The following HLCS variants were observed in gnomAD, a reference collection of about 807,000 sequenced individuals.
The protein encoded by HLCS is holocarboxylase synthetase, also known as biotin--protein ligase.
HLCS carries 53 observed loss-of-function variants against 75.0 expected under a neutral mutation model. The ratio of observed to expected loss-of-function variants is 0.71; its 90% confidence interval spans 0.57 to 0.89. The LOEUF is 0.89. HLCS is among the 40% of genes least tolerant of loss of function. HLCS has a pLI of 0.00. For missense variants in HLCS, 966 were observed against 1,074.0 expected (o/e 0.90, Z 1.41); for synonymous variants, 431 against 428.6 (o/e 1.01, Z -0.07).
chr21:36,802,800 C>A (rs2061246308), intron 6 of HLCS, among the ~76,000 whole-genome samples: 2 of 152,162 alleles, frequency 1.3e-5, no homozygotes, highest in Admixed American at 6.5e-5. Context: ...AAGGCACGAT[C>A]CCCACACAAT....
intron 6 of HLCS, among the ~76,000 whole-genome samples, chr21:36,857,763 T>G (rs2063245468): frequency 6.6e-6 from 1 of 152,138 alleles, no homozygotes; most frequent in Admixed American, 6.5e-5. Flanking sequence ...GGCCATCATT[T>G]AATTTAGGAT....
At chr21:36,780,392 G>T (rs2060491383) in intron 6 of HLCS, among the ~76,000 whole-genome samples, 1 of 151,404 alleles carries the variant, frequency 6.6e-6, no homozygotes, top group African/African-American at 2.4e-5. Context: ...CTTTTTTTTT[G>T]TATTTTTAGT....
At chr21:36,912,140 C>T (rs957651756) in intron 5 of HLCS, among the ~76,000 whole-genome samples, 2 of 151,282 alleles carry the variant, frequency 1.3e-5, no homozygotes, top group African/African-American at 4.9e-5. Context: ...CAGGTATAAA[C>T]CCAAAAGAAC....
At chr21:36,759,126 G>T (rs1763195613) in intron 9 of HLCS, 1 of 470,918 alleles carries the variant, frequency 2.1e-6, no homozygotes, top group African/African-American at 2.0e-5. Flanking sequence ...CATGTTTTTT[G>T]ACCATTGCTG....
rs7281145 is a variant in HLCS, at chr21:36,961,948, T to C, written c.330+88A>G. The C allele has an allele frequency of 2.6e-3, 1,973 of 750,236 alleles. 41 individuals are homozygous for C. The African/African-American group carries it at 0.043, about 16-fold the overall frequency. The allele number at this position is 750,236 out of a possible 1,614,324, so 46.5% of individuals were successfully genotyped here. A position where few individuals can be genotyped will look rare whatever the true frequency, so the allele number is the denominator to read the frequency against. Reference sequence around the variant, plus strand: ...CAGCCTGGGTGACAGAGCAAGACTCTGTCTCAGGAAAAAAAAAAAAAAAGC... The same window carrying C: ...CAGCCTGGGTGACAGAGCAAGACTCCGTCTCAGGAAAAAAAAAAAAAAAGC... On this transcript the variant is annotated intron_variant, in intron 2 of 10. Coordinates refer to ENST00000674895, the MANE Select transcript of HLCS (RefSeq NM_001352514.2).
chr21:36,962,296 G>A (rs2068339792), intron 1 of HLCS, 126 bp from the exon 2 acceptor site: 2 of 570,666 alleles, frequency 3.5e-6, no homozygotes, highest in African/African-American at 2.0e-5. Flanking sequence ...CTTATCTGAT[G>A]CTCCTCTGCA....
intron 6 of HLCS, among the ~76,000 whole-genome samples, chr21:36,799,758 A>G (rs2061140884): frequency 6.6e-6 from 1 of 152,192 alleles, no homozygotes. Context: ...ACACAGTTCC[A>G]TCCAATTTGG....
At chr21:36,987,422 G>A (rs899433373) in intron 1 of HLCS, among the ~76,000 whole-genome samples, 2 of 152,170 alleles carry the variant, frequency 1.3e-5, no homozygotes, top group Admixed American at 6.5e-5. Flanking sequence ...AGACCAGCAT[G>A]GCTAGCATGG....
intron 4 of HLCS, among the ~76,000 whole-genome samples, chr21:36,932,191 T>C (rs971378665): frequency 4.6e-5 from 7 of 152,246 alleles, no homozygotes; most frequent in South Asian, 4.1e-4. Flanking sequence ...TAAATGTACA[T>C]ATAATTCATA....
At chr21:36,963,408 T>C (rs1421523080) in intron 1 of HLCS, among the ~76,000 whole-genome samples, 1 of 152,016 alleles carries the variant, frequency 6.6e-6, no homozygotes, top group African/African-American at 2.4e-5. Context: ...TGAATGAAAA[T>C]TTAGGGGAGA....
At chr21:36,758,174 A>G (rs2089679215) in intron 9 of HLCS, among the ~76,000 whole-genome samples, 1 of 152,032 alleles carries the variant, frequency 6.6e-6, no homozygotes, top group Non-Finnish European at 1.5e-5. Context: ...TGGAGCCCTC[A>G]TAGCGCACTG....
chr21:36,947,241 TAAAC>T (rs983005458), intron 2 of HLCS: 19 of 569,176 alleles, frequency 3.3e-5, no homozygotes, highest in Admixed American at 6.3e-5. Flanking sequence ...AGGCAGGAGA[TAAAC>T]AAAGGAAGAG....
Position 36,932,985 on chromosome 21 carries a change from G to T in HLCS, c.1438-2552C>A, listed in dbSNP as rs1296520434. 5.3e-5 allele frequency among the ~76,000 whole-genome samples: 8 copies of T among 152,278 alleles called. No homozygotes were observed. The South Asian group carries it at 1.2e-3, about 24-fold the overall frequency. On this transcript the variant is annotated intron_variant, in intron 4 of 10. Coordinates refer to ENST00000674895, the MANE Select transcript of HLCS (RefSeq NM_001352514.2). ...ATACAAAAATCAGCCAGGCATGGTGGCGCACGCCTGTAATCCCAGTTACTT... is the reference window on the plus strand; with the variant it reads ...ATACAAAAATCAGCCAGGCATGGTGTCGCACGCCTGTAATCCCAGTTACTT...
intron 5 of HLCS, among the ~76,000 whole-genome samples, chr21:36,897,672 C>G (rs2065067595): frequency 6.6e-6 from 1 of 152,148 alleles, no homozygotes; most frequent in South Asian, 2.1e-4. Context: ...ACAAAGAAGA[C>G]AATAATCTTC....
At chr21:36,826,366 A>C (rs1025396629) in intron 6 of HLCS, among the ~76,000 whole-genome samples, 4 of 152,144 alleles carry the variant, frequency 2.6e-5, no homozygotes, top group African/African-American at 7.2e-5. Context: ...AGAGTTCAGT[A>C]CTCGCTACAC....
intron 6 of HLCS, among the ~76,000 whole-genome samples, chr21:36,776,326 G>A (rs756884697): frequency 6.6e-6 from 1 of 152,024 alleles, no homozygotes; most frequent in Non-Finnish European, 1.5e-5. Context: ...TCCTATATGC[G>A]TCTGTGTAGC....
chr21:36,928,615 C>G (rs1383512079), intron 5 of HLCS, among the ~76,000 whole-genome samples: 3 of 152,112 alleles, frequency 2.0e-5, no homozygotes. Context: ...GTACAACATA[C>G]ACGTACTCAT....
chr21:36,942,126 C>T, intron 2 of HLCS, among the ~76,000 whole-genome samples: 1 of 151,660 alleles, frequency 6.6e-6, no homozygotes, highest in Non-Finnish European at 1.5e-5. Context: ...TGAGCCAACA[C>T]TCCAGCCTGG....
chr21:36,861,696 A>G (rs1445821158), intron 6 of HLCS, among the ~76,000 whole-genome samples: 1 of 152,124 alleles, frequency 6.6e-6, no homozygotes, highest in Non-Finnish European at 1.5e-5. Flanking sequence ...TTAAAAGAGT[A>G]CCTCCCTCTT....
Sources: allele counts gnomAD v4.1 joint callset (sites outside exome capture counted in the v4.1 genomes callset), GRCh38; gene constraint gnomAD v4.1.1; transcripts MANE v1.5; gene names NCBI Gene and HGNC (gene_info 2026-07-23, HGNC 2026-07-21).